Variants in STX7 observed in about 807,000 individuals in gnomAD.
STX7 encodes syntaxin 7, also known as syntaxin-7.
Under a neutral mutation model 39.6 loss-of-function variants are expected in STX7, and 34 were observed. That is an observed-to-expected ratio of 0.86 (90% CI 0.65 to 1.14). The LOEUF is 1.14. Among genes scored for constraint, STX7 ranks in the 50% most tolerant of loss-of-function variants. The probability of loss-of-function intolerance (pLI) is 0.00; values close to 1 mark genes in which losing one functional copy is unlikely to be tolerated. For synonymous variants in STX7, 119 were observed against 99.1 expected (o/e 1.20, Z -1.19); for missense variants, 284 against 310.4 (o/e 0.92, Z 0.64).
In STX7 at chr6:132,470,628, T is replaced by G; in HGVS notation, c.388-2A>C. ...TGAGCTGTCCTCAGGAAAACTGCCC[T>G]GAATAATTTAGTAACAGGATGGAAT... On this transcript the variant is annotated splice_acceptor_variant, in intron 5 of 9. Transcript: ENST00000367941. LOFTEE classifies it high-confidence loss of function. 1 of 1,607,094 alleles carries G rather than the reference T, an allele frequency of 6.2e-7. No homozygotes were observed. Among genetic ancestry groups the G allele is most frequent in the South Asian group, 1.1e-5 (1 of 90,286 alleles).
intron 8 of STX7, among the ~76,000 whole-genome samples, chr6:132,466,027 TTC>T (rs1774556085): frequency 6.6e-6 from 1 of 152,210 alleles, no homozygotes; most frequent in Non-Finnish European, 1.5e-5. Context: ...TATGACTGCA[TTC>T]TCTGTTTCAC....
chr6:132,505,097 T>TTTA (rs10631467), intron 1 of STX7, among the ~76,000 whole-genome samples: 12,267 of 152,292 alleles, frequency 0.081, 656 homozygotes, highest in East Asian at 0.16. Context: ...ACAGACTAAT[T>TTTA]TTTTCACAAC....
intron 2 of STX7, among the ~76,000 whole-genome samples, chr6:132,479,026 C>T (rs921952835): frequency 6.6e-6 from 1 of 152,164 alleles, no homozygotes; most frequent in African/African-American, 2.4e-5. Context: ...CTCTTAGATG[C>T]CTGCAAAGCA....
chr6:132,464,784 G>A (rs1366638588), intron 8 of STX7, among the ~76,000 whole-genome samples: 2 of 152,120 alleles, frequency 1.3e-5, no homozygotes, highest in Non-Finnish European at 2.9e-5. Context: ...CATTTACTCT[G>A]TGGTCATCAA....
At position 132,460,813 on chromosome 6, in the gene STX7, A is replaced by G. The variant is rs964239635; in HGVS notation, c.731T>C (p.Ile244Thr). 1.9e-6 allele frequency: 3 copies of G among 1,613,670 alleles called. No homozygotes were observed. The highest frequency in any genetic ancestry group is 2.7e-5 in the African/African-American group (2 of 75,030). ...GATAATCGCAACTCCAATGACAAGGATAAGAATGATGATGCACAGGGTTTT... is the reference window on the plus strand; with the variant it reads ...GATAATCGCAACTCCAATGACAAGGGTAAGAATGATGATGCACAGGGTTTT... ...SRKTLCIIILILVIGVAIISL... is the reference protein window; with the variant it reads ...SRKTLCIIILTLVIGVAIISL... The change falls in exon 10 of 10, where the codon ATC becomes ACC. Residue 244 changes from isoleucine to threonine, a missense_variant. Transcript: ENST00000367941.
intron 2 of STX7, among the ~76,000 whole-genome samples, chr6:132,481,746 A>G (rs1463215337): frequency 6.6e-6 from 1 of 152,062 alleles, no homozygotes; most frequent in Non-Finnish European, 1.5e-5. Context: ...AAAAAACCCC[A>G]AAAGTACAAA....
At chr6:132,470,747 A>ATGTGTG (rs140681581) in intron 5 of STX7, 121 bp from the exon 6 acceptor site, 1 of 565,306 alleles carries the variant, frequency 1.8e-6, no homozygotes, top group African/African-American at 1.9e-5. Context: ...GTCTGTGTGT[A>ATGTGTG]TGTGTGTGTG....
At chr6:132,479,501 A>G (rs1029596225) in intron 2 of STX7, among the ~76,000 whole-genome samples, 2 of 152,208 alleles carry the variant, frequency 1.3e-5, no homozygotes, top group Admixed American at 1.3e-4. Flanking sequence ...AAGGTAACCA[A>G]GTGACTCTAG....
At chr6:132,489,367 A>G (rs965015203) in intron 2 of STX7, among the ~76,000 whole-genome samples, 10 of 152,308 alleles carry the variant, frequency 6.6e-5, no homozygotes, top group African/African-American at 2.4e-4. Flanking sequence ...AGAAAAATGT[A>G]TCATTAGAAA....
intron 2 of STX7, among the ~76,000 whole-genome samples, chr6:132,501,904 C>T (rs1205029716): frequency 6.6e-6 from 1 of 151,954 alleles, no homozygotes; most frequent in Non-Finnish European, 1.5e-5. Flanking sequence ...AGGAAAGAGG[C>T]TCTTCTGTGG....
intron 3 of STX7, among the ~76,000 whole-genome samples, chr6:132,473,532 TTCTTGAATA>T (rs1412434470): frequency 6.6e-6 from 1 of 150,878 alleles, no homozygotes; most frequent in South Asian, 2.1e-4. Flanking sequence ...TTTTTTTTTT[TTCTTGAATA>T]TTTTTGACCT....
intron 2 of STX7, among the ~76,000 whole-genome samples, chr6:132,476,310 G>A (rs1774872194): frequency 6.6e-6 from 1 of 152,148 alleles, no homozygotes; most frequent in Non-Finnish European, 1.5e-5. Flanking sequence ...CAGCGAGAAA[G>A]CCACAATATG....
At chr6:132,471,399 G>T in intron 5 of STX7, 64 bp downstream of exon 5, 1 of 1,527,070 alleles carries the variant, frequency 6.5e-7, no homozygotes, top group South Asian at 1.3e-5. Context: ...TGCTACTATA[G>T]ACTTTTATGG....
chr6:132,470,360 C>A (rs944547913), intron 6 of STX7, among the ~76,000 whole-genome samples: 1 of 151,834 alleles, frequency 6.6e-6, no homozygotes, highest in Admixed American at 6.6e-5. Context: ...ATAATTAAGT[C>A]CATAAACATT....
chr6:132,506,778 G>A (rs1460361316), intron 1 of STX7, among the ~76,000 whole-genome samples: 1 of 151,634 alleles, frequency 6.6e-6, no homozygotes, highest in Non-Finnish European at 1.5e-5. Context: ...CAGTAACCTC[G>A]TTACTGGGTA....
At chr6:132,502,034 T>C (rs1775574951) in intron 2 of STX7, among the ~76,000 whole-genome samples, 1 of 152,176 alleles carries the variant, frequency 6.6e-6, no homozygotes, top group Non-Finnish European at 1.5e-5. Flanking sequence ...GACAACGTGG[T>C]GCCTGGCACT....
intron 2 of STX7, among the ~76,000 whole-genome samples, chr6:132,477,504 C>A (rs545624044): frequency 6.6e-6 from 1 of 152,100 alleles, no homozygotes; most frequent in Admixed American, 6.6e-5. Context: ...CCCTACCTCC[C>A]AGCATATAGC....
intron 2 of STX7, among the ~76,000 whole-genome samples, chr6:132,491,876 T>C (rs530837548): frequency 1.3e-5 from 2 of 152,314 alleles, no homozygotes; most frequent in South Asian, 2.1e-4. Context: ...TCACCTCCAA[T>C]GTCGTCACCC....
In STX7 at chr6:132,447,916, T is replaced by C. The variant is rs894710953; in HGVS notation, c.*12842A>G. On this transcript the variant is annotated 3_prime_UTR_variant, in exon 10 of 10. Transcript: ENST00000367941. ...TTCTTTGCTTTTTCTATGCTTTTTC[T>C]TCCTTCTTGCATTTTTGTGGTCTAT... 6.6e-6 allele frequency: 1 copy of C among 152,180 alleles called. No individual in the cohort carries two copies. Among genetic ancestry groups the C allele is most frequent in the African/African-American group, 2.4e-5 (1 of 41,452 alleles). The allele number at this position is 152,180 out of a possible 1,614,324, so 9.4% of individuals were successfully genotyped here.
Sources: gnomAD v4.1 joint callset for allele counts (sites outside exome capture counted in the v4.1 genomes callset) on GRCh38, gnomAD v4.1.1 for gene constraint, MANE v1.5 for transcripts, NCBI Gene and HGNC (gene_info 2026-07-23, HGNC 2026-07-21) for gene names.